Variants in TMEM232 observed in about 807,000 individuals in gnomAD.
TMEM232 encodes the protein transmembrane protein 232.
A neutral mutation model predicts 78.8 loss-of-function variants in TMEM232; 80 were observed. The ratio of observed to expected loss-of-function variants is 1.01; its 90% CI spans 0.85 to 1.22. The LOEUF is 1.22. Among genes scored for constraint, TMEM232 ranks in the 50% most tolerant of loss-of-function variants. The pLI is 0.00. For missense variants in TMEM232, 881 were observed against 742.2 expected (o/e 1.19, Z -2.17); for synonymous variants, 297 against 254.3 (o/e 1.17, Z -1.60).
chr5:110,441,200 A>G (rs1262374849), intron 12 of TMEM232, among the ~76,000 whole-genome samples: 3 of 152,078 alleles, frequency 2.0e-5, no homozygotes, highest in Admixed American at 6.6e-5. Flanking sequence ...GTACCTTGTG[A>G]GACATTTAGC....
intron 10 of TMEM232, among the ~76,000 whole-genome samples, chr5:110,601,964 C>T (rs1478178620): frequency 6.6e-6 from 1 of 152,122 alleles, no homozygotes; most frequent in Non-Finnish European, 1.5e-5. Flanking sequence ...ACCAGTGGAA[C>T]AGAACAGAGG....
In TMEM232 at chr5:110,667,212, T is replaced by G; in HGVS notation, c.125+16A>C. The G allele has an allele frequency of 6.5e-7, 1 of 1,533,010 alleles. No homozygotes were observed. The highest frequency in any genetic ancestry group is 1.2e-5 in the South Asian group (1 of 81,796). The allele number at this position is 1,533,010 out of a possible 1,614,324, so 95.0% of individuals were successfully genotyped here. ...TCTACAATACATATGGGTCCTATAATTATTTTCTAGCTTACCTTGATTTAT... is the reference window on the plus strand; with the variant it reads ...TCTACAATACATATGGGTCCTATAAGTATTTTCTAGCTTACCTTGATTTAT... On this transcript the variant is annotated intron_variant, in intron 2 of 13. Transcript: ENST00000455884.
chr5:110,678,287 A>G (rs999405653), intron 1 of TMEM232, among the ~76,000 whole-genome samples: 2 of 151,910 alleles, frequency 1.3e-5, no homozygotes, highest in African/African-American at 2.4e-5. Context: ...ATGGTCTCGA[A>G]CTCCTGACCT....
intron 6 of TMEM232, among the ~76,000 whole-genome samples, chr5:110,627,261 A>G (rs1339112881): frequency 1.3e-5 from 2 of 152,056 alleles, no homozygotes; most frequent in East Asian, 3.9e-4. Context: ...CTAAAATATG[A>G]ATTTAACTTT....
At chr5:110,654,869 T>C (rs550583549) in intron 2 of TMEM232, among the ~76,000 whole-genome samples, 1 of 152,290 alleles carries the variant, frequency 6.6e-6, no homozygotes, top group Non-Finnish European at 1.5e-5. Flanking sequence ...TTCACGTCCC[T>C]TGTAAGTTGG....
At chr5:110,587,203 T>C (rs1433806159) in intron 10 of TMEM232, among the ~76,000 whole-genome samples, 2 of 151,810 alleles carry the variant, frequency 1.3e-5, no homozygotes, top group Admixed American at 1.3e-4. Flanking sequence ...CATATATACA[T>C]ATACACCCAG....
chr5:110,449,593 C>T (rs1216127746), intron 12 of TMEM232, among the ~76,000 whole-genome samples: 1 of 151,256 alleles, frequency 6.6e-6, no homozygotes, highest in Non-Finnish European at 1.5e-5. Context: ...TAACCTGATT[C>T]TACCTTCACA....
At chr5:110,493,416 A>G (rs988605585) in intron 12 of TMEM232, among the ~76,000 whole-genome samples, 8 of 151,910 alleles carry the variant, frequency 5.3e-5, no homozygotes, top group African/African-American at 1.9e-4. Context: ...CTTACAAATT[A>G]TAAAGACTTA....
Position 110,725,796 on chromosome 5 carries a change from A to C in TMEM232, c.-13+831T>G, listed in dbSNP as rs970941447. 15 of 152,188 alleles carry C rather than the reference A, an allele frequency of 9.9e-5. 1 individual carries two copies. Among genetic ancestry groups the C allele is most frequent in the Admixed American group, 4.6e-4 (7 of 15,278 alleles). 9.4% of individuals were successfully genotyped at this position (152,188 alleles called of 1,614,324 possible). A position where few individuals can be genotyped will look rare whatever the true frequency, so the allele number is the denominator to read the frequency against. On this transcript the variant is annotated intron_variant, in intron 1 of 13. Coordinates refer to ENST00000455884, the MANE Select transcript of TMEM232 (RefSeq NM_001039763.4). ...TAAAGTTCCAATAAAAATGAGGTTG[A>C]AACTGTATACTTTAAAAGACAATTT... is the stretch of plus-strand genomic sequence containing the variant.
rs530719158 is a variant in TMEM232 at position 110,569,491 on chromosome 5, T to C, written c.1277-866A>G. ...AAAACCAACATGAAAATACTGAGTA[T>C]GTGAAGCAGATAAGAAGAATAAGAA... On this transcript the variant is annotated intron_variant, in intron 10 of 13. Transcript: ENST00000455884. 3.0e-3 allele frequency among the ~76,000 whole-genome samples: 460 copies of C among 151,912 alleles called. 3 individuals carry two copies. Among genetic ancestry groups the C allele is most frequent in the African/African-American group, 0.011 (437 of 41,502 alleles).
intron 2 of TMEM232, among the ~76,000 whole-genome samples, chr5:110,662,828 C>T (rs1473354055): frequency 6.6e-6 from 1 of 151,918 alleles, no homozygotes; most frequent in East Asian, 1.9e-4. Context: ...ACAAAAATTT[C>T]CACATAGATT....
intron 2 of TMEM232, among the ~76,000 whole-genome samples, chr5:110,659,472 G>A (rs17132253): frequency 0.019 from 2,885 of 152,202 alleles, 81 homozygotes; most frequent in African/African-American, 0.067. Context: ...GCCTGGGAGA[G>A]AAGCTAATGC....
chr5:110,560,210 A>C (rs2149653562), intron 11 of TMEM232, among the ~76,000 whole-genome samples: 1 of 152,300 alleles, frequency 6.6e-6, no homozygotes, highest in East Asian at 1.9e-4. Flanking sequence ...TTAAGGTTGA[A>C]TATAGACCTT....
intron 12 of TMEM232, among the ~76,000 whole-genome samples, chr5:110,481,064 A>G (rs935603877): frequency 1.3e-5 from 2 of 152,100 alleles, no homozygotes; most frequent in Admixed American, 6.6e-5. Context: ...TGATAAACAG[A>G]TATTTTTAAA....
chr5:110,538,929 T>C (rs991959790), intron 11 of TMEM232, among the ~76,000 whole-genome samples: 9 of 152,148 alleles, frequency 5.9e-5, no homozygotes, highest in African/African-American at 1.9e-4. Context: ...ACAAGATTCT[T>C]TACTCCTCCT....
At chr5:110,640,669 T>A (rs891067792) in intron 4 of TMEM232, among the ~76,000 whole-genome samples, 1 of 152,170 alleles carries the variant, frequency 6.6e-6, no homozygotes, top group Non-Finnish European at 1.5e-5. Context: ...TAATAAAGAC[T>A]ATGCTGAGTA....
rs1301927421 is a variant in TMEM232 at position 110,420,148 on chromosome 5, T to C, written c.*432A>G. The C allele has an allele frequency of 6.5e-6, 1 of 153,068 alleles. No homozygotes were observed. The highest frequency in any genetic ancestry group is 2.4e-5 in the African/African-American group (1 of 41,508). 9.5% of individuals were successfully genotyped at this position (153,068 alleles called of 1,614,324 possible). A position where few individuals can be genotyped will look rare whatever the true frequency, so the allele number is the denominator to read the frequency against. ...CTGTTTTTATTTGAATAATAGTAAT[T>C]ACAGGATTGTTAGTTTATGTTCATT... On this transcript the variant is annotated 3_prime_UTR_variant, in exon 14 of 14. Coordinates refer to ENST00000455884, the MANE Select transcript of TMEM232 (RefSeq NM_001039763.4).
At chr5:110,655,894 TG>T (rs1788971936) in intron 2 of TMEM232, among the ~76,000 whole-genome samples, 1 of 109,634 alleles carries the variant, frequency 9.1e-6, no homozygotes, top group African/African-American at 3.7e-5. Flanking sequence ...CATCACACTC[TG>T]GGGACTGTTG....
intron 1 of TMEM232, among the ~76,000 whole-genome samples, chr5:110,685,278 T>C (rs973172837): frequency 1.3e-5 from 2 of 151,954 alleles, no homozygotes; most frequent in Non-Finnish European, 2.9e-5. Context: ...TAAAAATTAA[T>C]TAGCCAACAT....
Sources: gnomAD v4.1 joint callset for allele counts (sites outside exome capture counted in the v4.1 genomes callset) on GRCh38, gnomAD v4.1.1 for gene constraint, MANE v1.5 for transcripts, NCBI Gene and HGNC (gene_info 2026-07-23, HGNC 2026-07-21) for gene names.